CFAP43: variants seen among roughly 807,000 people sequenced by gnomAD.
The protein encoded by CFAP43 is cilia and flagella associated protein 43, also known as cilia- and flagella-associated protein 43.
Under a neutral mutation model 218.9 loss-of-function variants are expected in CFAP43, and 155 were observed. The observed-to-expected ratio is 0.71, with a 90% confidence interval of 0.62 to 0.81. CFAP43 has a LOEUF of 0.81. CFAP43 is among the 30% of genes least tolerant of loss of function. The pLI is 0.00. For missense variants in CFAP43, 1,778 were observed against 1,954.3 expected (o/e 0.91, Z 1.70); for synonymous variants, 645 against 681.3 (o/e 0.95, Z 0.83).
chr10:104,185,246 T>G (rs2089994598), intron 15 of CFAP43, 100 bp from the exon 16 acceptor site: 2 of 1,464,248 alleles, frequency 1.4e-6, no homozygotes, highest in Admixed American at 2.0e-5. Flanking sequence ...ATAAATCATT[T>G]TCTATTTGCT....
At chr10:104,173,235 A>C (rs963895420) in intron 19 of CFAP43, among the ~76,000 whole-genome samples, 3 of 152,226 alleles carry the variant, frequency 2.0e-5, no homozygotes, top group Non-Finnish European at 4.4e-5. Context: ...CCCAAAATAT[A>C]AAGTTAAGAG....
chr10:104,156,300 A>G (rs190069895), intron 27 of CFAP43, among the ~76,000 whole-genome samples: 1 of 152,232 alleles, frequency 6.6e-6, no homozygotes, highest in Non-Finnish European at 1.5e-5. Flanking sequence ...AGAATTAGTC[A>G]AAGTAATTCT....
chr10:104,218,347 C>CA (rs68078522), intron 3 of CFAP43, among the ~76,000 whole-genome samples: 8,710 of 95,228 alleles, frequency 0.091, 536 homozygotes, highest in East Asian at 0.14. Context: ...GACTGTGTCT[C>CA]AAAAAAAAAA....
chr10:104,173,740 C>T (rs1731137694), intron 19 of CFAP43, among the ~76,000 whole-genome samples: 1 of 152,074 alleles, frequency 6.6e-6, no homozygotes, highest in Non-Finnish European at 1.5e-5. Flanking sequence ...AGACAGAATA[C>T]CTGCTAAAGT....
intron 19 of CFAP43, among the ~76,000 whole-genome samples, chr10:104,173,562 G>A (rs11191937): frequency 0.1 from 15,246 of 152,276 alleles, 814 homozygotes; most frequent in Middle Eastern, 0.18. Flanking sequence ...TAACTGGAGT[G>A]TTTGTCTCCA....
chr10:104,175,778 G>A (rs114122154), intron 19 of CFAP43, among the ~76,000 whole-genome samples: 245 of 152,296 alleles, frequency 1.6e-3, no homozygotes, highest in African/African-American at 5.6e-3. Context: ...TACTGAATGT[G>A]CGTTGCTTTT....
chr10:104,208,838 T>G, intron 5 of CFAP43, among the ~76,000 whole-genome samples: 1 of 152,198 alleles, frequency 6.6e-6, no homozygotes, highest in East Asian at 1.9e-4. Context: ...CACTTGAGAT[T>G]AAGTTCATGA....
Position 104,203,743 on chromosome 10 carries a change from C to G in CFAP43, c.1024G>C (p.Glu342Gln), listed in dbSNP as rs148523587. ...DRSYMIEDFL[E>Q]IERPVEHMTF... ...ATATGTTCTACAGGTCTTTCAATCT[C>G]AAGAAAATCCTCGATCATGTAACTT... Residue 342 changes from glutamate to glutamine, a missense_variant, in exon 8 of 38, where the codon GAG becomes CAG. Glu to Gln is a conservative substitution (Grantham distance 29). Around this residue, in one of 3 missense-constraint regions of CFAP43, gnomAD observed 1,553 missense variants for 1,685.2 expected, o/e 0.92. Transcript: ENST00000357060. 2,506 of 1,610,886 alleles carry G rather than the reference C, an allele frequency of 1.6e-3. 3 individuals are homozygous for G. The highest frequency in any genetic ancestry group is 2.0e-3 in the Non-Finnish European group (2,340 of 1,178,596).
At chr10:104,166,960 A>G (rs973384232) in intron 22 of CFAP43, among the ~76,000 whole-genome samples, 3 of 152,218 alleles carry the variant, frequency 2.0e-5, no homozygotes, top group Non-Finnish European at 4.4e-5. Context: ...TGTAATATTT[A>G]TATCTTTCTG....
intron 27 of CFAP43, among the ~76,000 whole-genome samples, chr10:104,157,725 G>T (rs1337545711): frequency 6.8e-6 from 1 of 147,358 alleles, no homozygotes; most frequent in African/African-American, 2.6e-5. Flanking sequence ...GTTGGAATTG[G>T]AGCTAACTGG....
chr10:104,171,052 T>A (rs895171614), intron 20 of CFAP43, among the ~76,000 whole-genome samples: 1 of 152,216 alleles, frequency 6.6e-6, no homozygotes, highest in Non-Finnish European at 1.5e-5. Context: ...AGTTCTCAAC[T>A]GAAATGTCAG....
intron 26 of CFAP43, among the ~76,000 whole-genome samples, 180 bp downstream of exon 26, chr10:104,161,781 C>T (rs1269056233): frequency 3.9e-5 from 6 of 152,142 alleles, no homozygotes; most frequent in African/African-American, 1.4e-4. Flanking sequence ...GCTGGGATTA[C>T]AAGCATAAGC....
intron 3 of CFAP43, among the ~76,000 whole-genome samples, chr10:104,219,243 G>A (rs2091109938): frequency 6.6e-6 from 1 of 151,744 alleles, no homozygotes; most frequent in South Asian, 2.1e-4. Context: ...TCCTCAGCAC[G>A]ACACCCAATA....
chr10:104,161,304 C>T, intron 26 of CFAP43, 142 bp from the exon 27 acceptor site: 1 of 869,562 alleles, frequency 1.2e-6, no homozygotes, highest in East Asian at 2.8e-5. Context: ...ACATCTTGGG[C>T]AAAAGATATT....
At chr10:104,195,851 C>T (rs933527717) in intron 10 of CFAP43, among the ~76,000 whole-genome samples, 3 of 152,166 alleles carry the variant, frequency 2.0e-5, no homozygotes, top group African/African-American at 4.8e-5. Context: ...CCTGGAAAAT[C>T]TCTTGAATAT....
At chr10:104,193,183 G>A (rs919939024) in intron 11 of CFAP43, 4 of 152,102 alleles carry the variant, frequency 2.6e-5, no homozygotes, top group Admixed American at 6.5e-5. Flanking sequence ...TGCTTCAAAA[G>A]TTTTGAAATA....
chr10:104,197,779 C>G, intron 9 of CFAP43, 143 bp downstream of exon 9: 1 of 576,252 alleles, frequency 1.7e-6, no homozygotes, highest in Non-Finnish European at 3.1e-6. Context: ...CCACCACAGT[C>G]TTCAAGGACA....
intron 24 of CFAP43, 35 bp from the exon 25 acceptor site, chr10:104,162,438 T>G: frequency 6.4e-7 from 1 of 1,574,468 alleles, no homozygotes; most frequent in Non-Finnish European, 8.7e-7. Context: ...GCTATTATTC[T>G]TACAAAATTC....
rs2087747799 is a variant in CFAP43, at chr10:104,142,378, C to T, written c.4174G>A (p.Ala1392Thr). Reference sequence around the variant, plus strand: ...AAAGTTGCCATTTCCAATAAGTCAGCTGCTTTCTGCTTTACCTAAAGAAAC... The same window carrying T: ...AAAGTTGCCATTTCCAATAAGTCAGTTGCTTTCTGCTTTACCTAAAGAAAC... ...ENEQKVKQKAADLLEMATFLQ... is the reference protein window; with the variant it reads ...ENEQKVKQKATDLLEMATFLQ... The change falls in exon 33 of 38, where the codon GCT becomes ACT. Residue 1392 changes from alanine (A) to threonine (T), a missense_variant. This residue lies in a region of CFAP43 where 1,553 missense variants were observed against 1,685.2 expected (regional missense o/e 0.92). Coordinates refer to ENST00000357060, the MANE Select transcript of CFAP43 (RefSeq NM_025145.7). 2 of 1,612,720 alleles carry T rather than the reference C, an allele frequency of 1.2e-6. No individual in the cohort carries two copies. Among genetic ancestry groups the T allele is most frequent in the Non-Finnish European group, 1.7e-6 (2 of 1,179,410 alleles).
Sources: gnomAD v4.1 joint callset for allele counts (sites outside exome capture counted in the v4.1 genomes callset) on GRCh38, gnomAD v4.1.1 for gene constraint, gnomAD v4.1.1 regional missense constraint, MANE v1.5 for transcripts, NCBI Gene and HGNC (gene_info 2026-07-23, HGNC 2026-07-21) for gene names.